PLPP4: variants seen among roughly 807,000 people sequenced by gnomAD.
PLPP4 encodes diacylglycerol pyrophosphate like 2.
A neutral mutation model predicts 32.2 loss-of-function variants in PLPP4; 20 were observed. The ratio of observed to expected loss-of-function variants is 0.62; its 90% CI spans 0.44 to 0.90. The LOEUF is 0.90. Ranked by LOEUF, PLPP4 falls within the 40% of genes least tolerant of loss-of-function variation. PLPP4 has a pLI of 0.00. For synonymous variants in PLPP4, 127 were observed against 133.0 expected, an observed-to-expected ratio of 0.95 and a Z score of 0.31; for missense variants, 257 against 353.1, an observed-to-expected ratio of 0.73 and a Z score of 2.18.
rs1488137243 is a variant in PLPP4 at position 120,469,136 on chromosome 10, T to C, written c.56+11775T>C. Reference sequence around the variant, plus strand: ...GAATATTATCTAGTTATTGAAAGAATCATTTTGAAAATCATGAAGAAACGT... The same window carrying C: ...GAATATTATCTAGTTATTGAAAGAACCATTTTGAAAATCATGAAGAAACGT... On this transcript the variant is annotated intron_variant, in intron 1 of 6. Transcript: ENST00000398250. Among the ~76,000 whole-genome samples, 2 of 64,556 alleles carry C rather than the reference T, an allele frequency of 3.1e-5. 1 individual carries two copies. Among genetic ancestry groups the C allele is most frequent in the Non-Finnish European group, 9.0e-5 (2 of 22,284 alleles). The allele number at this position is 64,556 out of a possible 152,430, so 42.4% of individuals were successfully genotyped here.
intron 5 of PLPP4, among the ~76,000 whole-genome samples, chr10:120,571,037 A>G (rs1444729359): frequency 6.7e-6 from 1 of 150,082 alleles, no homozygotes; most frequent in Non-Finnish European, 1.5e-5. Flanking sequence ...AGCGAGGGAC[A>G]TATGCTCTTC....
chr10:120,578,157 C>T (rs767947967), intron 6 of PLPP4, among the ~76,000 whole-genome samples: 1 of 152,128 alleles, frequency 6.6e-6, no homozygotes, highest in Non-Finnish European at 1.5e-5. Flanking sequence ...CCATGTTACA[C>T]GTTAAGAAGC....
chr10:120,512,338 T>G (rs766358604), intron 2 of PLPP4, among the ~76,000 whole-genome samples: 157 of 152,300 alleles, frequency 1.0e-3, no homozygotes, highest in Non-Finnish European at 1.9e-3. Context: ...CTGAATACCC[T>G]CCATGGTGGC....
chr10:120,536,981 A>G (rs6585634), intron 5 of PLPP4, among the ~76,000 whole-genome samples: 145 of 152,318 alleles, frequency 9.5e-4, no homozygotes, highest in African/African-American at 3.4e-3. Flanking sequence ...ATTCAGAACT[A>G]TAATGAGGTG....
chr10:120,486,106 A>G (rs937455626), intron 1 of PLPP4, among the ~76,000 whole-genome samples: 1 of 152,152 alleles, frequency 6.6e-6, no homozygotes, highest in African/African-American at 2.4e-5. Context: ...CCTCACAGTC[A>G]TGTAATGTCA....
At chr10:120,517,524 A>C (rs572200668) in intron 3 of PLPP4, among the ~76,000 whole-genome samples, 29 of 152,248 alleles carry the variant, frequency 1.9e-4, no homozygotes, top group African/African-American at 6.7e-4. Context: ...CCCCCATTGC[A>C]TGCTCAGTGT....
intron 5 of PLPP4, among the ~76,000 whole-genome samples, chr10:120,567,073 T>C (rs1239221198): frequency 6.6e-6 from 1 of 152,194 alleles, no homozygotes; most frequent in African/African-American, 2.4e-5. Context: ...CCCTTCATTT[T>C]TGGGAACCTT....
intron 1 of PLPP4, among the ~76,000 whole-genome samples, chr10:120,502,546 G>C (rs1297196777): frequency 6.6e-6 from 1 of 152,124 alleles, no homozygotes; most frequent in African/African-American, 2.4e-5. Flanking sequence ...AGTGCTACTG[G>C]GCTCTGGAGT....
chr10:120,526,242 C>A (rs559200076), intron 5 of PLPP4, among the ~76,000 whole-genome samples: 2 of 152,120 alleles, frequency 1.3e-5, no homozygotes, highest in South Asian at 4.2e-4. Flanking sequence ...ATGGATACAT[C>A]ATCTCTTACC....
intron 5 of PLPP4, among the ~76,000 whole-genome samples, chr10:120,524,577 T>A (rs541350330): frequency 6.6e-6 from 1 of 152,312 alleles, no homozygotes; most frequent in South Asian, 2.1e-4. Context: ...ATTGATTTCT[T>A]TTGGAAACAA....
Position 120,589,784 on chromosome 10 carries a change from T to G in PLPP4, c.*282T>G, listed in dbSNP as rs1027040147. 2 of 385,718 alleles carry G rather than the reference T, an allele frequency of 5.2e-6. No homozygotes were observed. Among genetic ancestry groups the G allele is most frequent in the Non-Finnish European group, 9.3e-6 (2 of 214,244 alleles). 23.9% of individuals were successfully genotyped at this position (385,718 alleles called of 1,614,324 possible). ...GGCCGATTCGTCTATCTGAAATGTTTGCTGTAACAGCCACCTTCCTATGTT... is the reference window on the plus strand; with the variant it reads ...GGCCGATTCGTCTATCTGAAATGTTGGCTGTAACAGCCACCTTCCTATGTT... On this transcript the variant is annotated 3_prime_UTR_variant, in exon 7 of 7. Transcript: ENST00000398250.
At chr10:120,580,222 G>T (rs888876673) in intron 6 of PLPP4, among the ~76,000 whole-genome samples, 2 of 152,032 alleles carry the variant, frequency 1.3e-5, no homozygotes, top group African/African-American at 4.8e-5. Context: ...AAAATATAGG[G>T]TTTCTCTAAT....
chr10:120,537,485 T>TA (rs1847084000), intron 5 of PLPP4, among the ~76,000 whole-genome samples: 1 of 152,122 alleles, frequency 6.6e-6, no homozygotes, highest in African/African-American at 2.4e-5. Context: ...ATGTGAAATC[T>TA]AAAAAAGTTG....
chr10:120,566,038 A>C (rs540044409), intron 5 of PLPP4, among the ~76,000 whole-genome samples: 160 of 152,212 alleles, frequency 1.1e-3, no homozygotes, highest in African/African-American at 3.6e-3. Context: ...TGGTCTTTTT[A>C]AAACTCTATT....
intron 5 of PLPP4, among the ~76,000 whole-genome samples, chr10:120,561,583 C>T (rs940093757): frequency 1.3e-5 from 2 of 152,024 alleles, no homozygotes; most frequent in African/African-American, 4.8e-5. Flanking sequence ...GACAAATCTC[C>T]TTGGATAGAT....
At chr10:120,494,573 A>G (rs1369618504) in intron 1 of PLPP4, among the ~76,000 whole-genome samples, 1 of 152,210 alleles carries the variant, frequency 6.6e-6, no homozygotes, top group African/African-American at 2.4e-5. Context: ...ACAGAGCAAG[A>G]AGAACCATCC....
intron 4 of PLPP4, among the ~76,000 whole-genome samples, chr10:120,519,097 A>T (rs1480546287): frequency 6.6e-6 from 1 of 152,212 alleles, no homozygotes; most frequent in Non-Finnish European, 1.5e-5. Flanking sequence ...GATCACTAGC[A>T]AGGAAGTGCC....
At chr10:120,473,065 C>T (rs1371453572) in intron 1 of PLPP4, among the ~76,000 whole-genome samples, 3 of 152,150 alleles carry the variant, frequency 2.0e-5, no homozygotes, top group African/African-American at 7.2e-5. Flanking sequence ...CCAATTCCCA[C>T]ATCAAGATGA....
chr10:120,591,506 T>A lies in PLPP4; in HGVS notation c.*2004T>A, dbSNP rs927449423. Reference sequence around the variant, plus strand: ...CATAATTTTAAATTCTGAGCTAAAATTCATTTAAAATTAGAAAATTAAACA... The same window carrying A: ...CATAATTTTAAATTCTGAGCTAAAAATCATTTAAAATTAGAAAATTAAACA... On this transcript the variant is annotated 3_prime_UTR_variant, in exon 7 of 7. Transcript: ENST00000398250. Among the ~76,000 whole-genome samples the A allele has an allele frequency of 2.0e-5, 3 of 152,126 alleles. No homozygotes were observed. The highest frequency in any genetic ancestry group is 7.2e-5 in the African/African-American group (3 of 41,426).
Sources: allele counts gnomAD v4.1 joint callset (sites outside exome capture counted in the v4.1 genomes callset), GRCh38; gene constraint gnomAD v4.1.1; transcripts MANE v1.5; gene names NCBI Gene and HGNC (gene_info 2026-07-23, HGNC 2026-07-21).